The following EPHA6 variants were observed in gnomAD, a reference collection of about 807,000 sequenced individuals.
EPHA6 encodes the protein ephrin type-A receptor 6.
EPHA6 carries 50 observed loss-of-function variants against 112.0 expected under a neutral mutation model. The ratio of observed to expected loss-of-function variants is 0.45; its 90% CI spans 0.36 to 0.56. The LOEUF is 0.56. Ranked by LOEUF, EPHA6 falls within the 20% of genes least tolerant of loss-of-function variation. The probability of loss-of-function intolerance (pLI) is 0.00; values close to 1 mark genes in which losing one functional copy is unlikely to be tolerated. For missense variants in EPHA6, 1,280 were observed against 1,417.4 expected, an observed-to-expected ratio of 0.90 and a Z score of 1.56; for synonymous variants, 529 against 490.7, an observed-to-expected ratio of 1.08 and a Z score of -1.03.
At chr3:97,117,208 A>T (rs759986421) in intron 3 of EPHA6, among the ~76,000 whole-genome samples, 80 of 151,588 alleles carry the variant, frequency 5.3e-4, no homozygotes, top group Non-Finnish European at 2.2e-4. Flanking sequence ...TTAAGTTCCT[A>T]GATATTTTGG....
intron 11 of EPHA6, among the ~76,000 whole-genome samples, chr3:97,589,066 T>G (rs1339911592): frequency 2.0e-5 from 3 of 152,108 alleles, no homozygotes; most frequent in Non-Finnish European, 4.4e-5. Flanking sequence ...CCTGGGAGCC[T>G]CATGTGGCCC....
intron 3 of EPHA6, among the ~76,000 whole-genome samples, chr3:97,059,729 A>C (rs2098239472): frequency 6.6e-6 from 1 of 150,684 alleles, no homozygotes; most frequent in African/African-American, 2.5e-5. Flanking sequence ...TATAATGATA[A>C]GTGTAACTTT....
chr3:97,535,582 C>A (rs2092752785), intron 11 of EPHA6, among the ~76,000 whole-genome samples: 1 of 152,034 alleles, frequency 6.6e-6, no homozygotes, highest in African/African-American at 2.4e-5. Flanking sequence ...TAAATGAGTG[C>A]CTCATTCCCA....
chr3:97,207,027 T>A (rs1474719322), intron 3 of EPHA6, among the ~76,000 whole-genome samples: 1 of 152,050 alleles, frequency 6.6e-6, no homozygotes, highest in Non-Finnish European at 1.5e-5. Flanking sequence ...GAGACAAAAG[T>A]ACTAAAATTG....
chr3:97,344,985 G>T (rs2108872523), intron 5 of EPHA6, among the ~76,000 whole-genome samples: 1 of 152,176 alleles, frequency 6.6e-6, no homozygotes, highest in East Asian at 1.9e-4. Flanking sequence ...TGTAGTAAAT[G>T]TGGGAAGCCT....
intron 16 of EPHA6, among the ~76,000 whole-genome samples, chr3:97,746,077 T>C (rs544460913): frequency 6.6e-6 from 1 of 151,874 alleles, no homozygotes. Context: ...AGTCGAAATA[T>C]GAACATTAAA....
chr3:97,511,545 G>T (rs997331917), intron 10 of EPHA6, among the ~76,000 whole-genome samples: 3 of 152,072 alleles, frequency 2.0e-5, no homozygotes, highest in African/African-American at 7.2e-5. Context: ...GATGAGTCGG[G>T]TACCTCAGTT....
intron 10 of EPHA6, among the ~76,000 whole-genome samples, chr3:97,488,202 C>T (rs968206409): frequency 2.0e-5 from 3 of 152,206 alleles, no homozygotes; most frequent in African/African-American, 7.2e-5. Flanking sequence ...CATACATATT[C>T]TTTCCCTTTA....
chr3:97,699,433 C>T (rs1559611547), intron 14 of EPHA6, among the ~76,000 whole-genome samples: 1 of 152,116 alleles, frequency 6.6e-6, no homozygotes. Flanking sequence ...CCCAACAATC[C>T]TATAAGGTAC....
chr3:97,053,412 A>G (rs1366828012), intron 3 of EPHA6, among the ~76,000 whole-genome samples: 2 of 152,096 alleles, frequency 1.3e-5, no homozygotes, highest in African/African-American at 4.8e-5. Context: ...CCAGAATTGG[A>G]AAGAATTAAA....
At chr3:96,978,964 A>G (rs2042641083) in intron 2 of EPHA6, among the ~76,000 whole-genome samples, 1 of 146,746 alleles carries the variant, frequency 6.8e-6, no homozygotes. Flanking sequence ...AGTTAATCTC[A>G]TATTTTCAGA....
At chr3:96,855,989 A>T (rs1356730947) in intron 1 of EPHA6, among the ~76,000 whole-genome samples, 1 of 152,092 alleles carries the variant, frequency 6.6e-6, no homozygotes. Flanking sequence ...CCAGGGTTGC[A>T]TAAGGTCAAG....
intron 3 of EPHA6, among the ~76,000 whole-genome samples, chr3:97,059,797 A>T (rs1343094019): frequency 6.6e-6 from 1 of 151,772 alleles, no homozygotes; most frequent in Non-Finnish European, 1.5e-5. Flanking sequence ...TCTCAAGTAC[A>T]AATGTGTTGA....
intron 14 of EPHA6, among the ~76,000 whole-genome samples, chr3:97,695,540 A>C (rs1326035786): frequency 6.6e-6 from 1 of 152,214 alleles, no homozygotes; most frequent in East Asian, 1.9e-4. Context: ...TACAGTCTAC[A>C]GGTGACACTT....
At chr3:97,046,764 C>A (rs1245899000) in intron 3 of EPHA6, among the ~76,000 whole-genome samples, 1 of 151,842 alleles carries the variant, frequency 6.6e-6, no homozygotes, top group Non-Finnish European at 1.5e-5. Flanking sequence ...TTAATAATAT[C>A]ATTAAAAAGC....
chr3:97,138,737 G>T (rs1245170956), intron 3 of EPHA6, among the ~76,000 whole-genome samples: 3 of 152,212 alleles, frequency 2.0e-5, no homozygotes, highest in African/African-American at 4.8e-5. Context: ...CCCTGTTGTG[G>T]CATGGGGGCT....
At chr3:97,383,839 C>G (rs1426263026) in intron 5 of EPHA6, among the ~76,000 whole-genome samples, 1 of 152,036 alleles carries the variant, frequency 6.6e-6, no homozygotes, top group Non-Finnish European at 1.5e-5. Context: ...CCAAAAGGTA[C>G]TTAACTACAA....
At chr3:97,164,738 TCTTA>T (rs2108407953) in intron 3 of EPHA6, among the ~76,000 whole-genome samples, 1 of 152,082 alleles carries the variant, frequency 6.6e-6, no homozygotes, top group East Asian at 1.9e-4. Flanking sequence ...CATGATTAAG[TCTTA>T]CTTTACTTTT....
At chr3:97,202,858 T>G (rs952085278) in intron 3 of EPHA6, among the ~76,000 whole-genome samples, 2 of 152,104 alleles carry the variant, frequency 1.3e-5, no homozygotes, top group Non-Finnish European at 2.9e-5. Context: ...GTAAACAAAG[T>G]CAACTTATAG....
Sources: allele counts gnomAD v4.1 joint callset (sites outside exome capture counted in the v4.1 genomes callset), GRCh38; gene constraint gnomAD v4.1.1; transcripts MANE v1.5; gene names NCBI Gene and HGNC (gene_info 2026-07-23, HGNC 2026-07-21).